Variants in KLHL8 observed in about 807,000 individuals in gnomAD.
The protein encoded by KLHL8 is kelch like family member 8.
Under a neutral mutation model 63.5 loss-of-function variants are expected in KLHL8, and 38 were observed. The ratio of observed to expected loss-of-function variants is 0.60; its 90% confidence interval spans 0.46 to 0.78. The LOEUF (loss-of-function observed/expected upper bound fraction) is 0.78. Ranked by LOEUF, KLHL8 falls within the 30% of genes least tolerant of loss-of-function variation. The probability of loss-of-function intolerance (pLI) is 0.00; values close to 1 mark genes in which losing one functional copy is unlikely to be tolerated. For synonymous variants in KLHL8, 224 were observed against 254.3 expected (o/e 0.88, Z 1.13); for missense variants, 566 against 752.4 (o/e 0.75, Z 2.90).
chr4:87,170,018 C>A, intron 8 of KLHL8, 61 bp downstream of exon 8: 2 of 1,308,256 alleles, frequency 1.5e-6, no homozygotes, highest in South Asian at 1.4e-5. Flanking sequence ...TTTTGTTACT[C>A]TGTTATATGA....
At chr4:87,203,944 C>T (rs147032745) in intron 1 of KLHL8, among the ~76,000 whole-genome samples, 195 of 152,106 alleles carry the variant, frequency 1.3e-3, no homozygotes, top group African/African-American at 4.4e-3. Flanking sequence ...TCAAACTTAA[C>T]GAAAAACAAC....
chr4:87,177,931 AG>A (rs1404796494), intron 5 of KLHL8, among the ~76,000 whole-genome samples: 1 of 152,186 alleles, frequency 6.6e-6, no homozygotes, highest in Non-Finnish European at 1.5e-5. Flanking sequence ...AGAGAAAGAT[AG>A]GCAAGATTGT....
chr4:87,207,524 T>G, intron 1 of KLHL8: 1 of 894,694 alleles, frequency 1.1e-6, no homozygotes, highest in Non-Finnish European at 1.9e-6. Context: ...CTCAAGATCA[T>G]CAGCAATGCC....
chr4:87,233,888 A>G (rs1336983842), intron 1 of KLHL8, among the ~76,000 whole-genome samples: 1 of 152,048 alleles, frequency 6.6e-6, no homozygotes, highest in Non-Finnish European at 1.5e-5. Context: ...TACTAATTTC[A>G]GGCTAAATGT....
intron 1 of KLHL8, among the ~76,000 whole-genome samples, chr4:87,226,266 T>C (rs1732972429): frequency 6.6e-6 from 1 of 152,046 alleles, no homozygotes; most frequent in East Asian, 1.9e-4. Flanking sequence ...TTCATTAAGA[T>C]ATAGCTCTAT....
At chr4:87,221,212 T>A (rs1732831011), upstream of KLHL8, 1 of 151,844 alleles carries the variant, frequency 6.6e-6, no homozygotes, top group African/African-American at 2.4e-5. Context: ...CTGGCCAACA[T>A]GGTGAAACTC....
At chr4:87,205,215 T>C (rs1275407958) in intron 1 of KLHL8, among the ~76,000 whole-genome samples, 2 of 152,182 alleles carry the variant, frequency 1.3e-5, no homozygotes, top group Non-Finnish European at 2.9e-5. Context: ...AAGACCAGCC[T>C]GGGCAACAGA....
chr4:87,199,577 G>A (rs1177955131), intron 1 of KLHL8, among the ~76,000 whole-genome samples: 8 of 148,954 alleles, frequency 5.4e-5, no homozygotes, highest in African/African-American at 1.5e-4. Flanking sequence ...CTACAGAATG[G>A]AAGAAAATAG....
intron 1 of KLHL8, among the ~76,000 whole-genome samples, chr4:87,200,893 G>A (rs910948003): frequency 2.6e-5 from 4 of 152,124 alleles, no homozygotes; most frequent in Non-Finnish European, 5.9e-5. Context: ...CAGCCTAAAT[G>A]TACATCATCA....
chr4:87,181,153 C>T (rs530740864), intron 4 of KLHL8, among the ~76,000 whole-genome samples: 4 of 151,544 alleles, frequency 2.6e-5, no homozygotes, highest in East Asian at 3.9e-4. Flanking sequence ...CTGGGCTGGG[C>T]GCAGTGGCTC....
In KLHL8 at chr4:87,195,458, T is replaced by TTTCGCC. The variant is rs776507597; in HGVS notation, c.81_82insGGCGAA (p.Ile27_Lys28insGlyGlu). On this transcript the variant is annotated inframe_insertion, in exon 2 of 10. Coordinates refer to ENST00000273963, the MANE Select transcript of KLHL8 (RefSeq NM_020803.5). ...CCATCACTAATTGAGGATCTGTTCTTTATTTGCTGGTGCTGTTGTTGCCTT... is the reference window on the plus strand; with the variant it reads ...CCATCACTAATTGAGGATCTGTTCTTTTCGCCTATTTGCTGGTGCTGTTGTTGCCTT... 1.4e-5 allele frequency: 23 copies of TTTCGCC among 1,613,870 alleles called. No homozygotes were observed. The highest frequency in any genetic ancestry group is 1.7e-5 in the Non-Finnish European group (20 of 1,179,936).
chr4:87,184,382 A>G (rs771348308), intron 3 of KLHL8, among the ~76,000 whole-genome samples: 1 of 152,190 alleles, frequency 6.6e-6, no homozygotes, highest in East Asian at 1.9e-4. Context: ...AAATGAGAAC[A>G]CTGGTAATTA....
At chr4:87,236,717 T>C (rs559966998) in intron 1 of KLHL8, among the ~76,000 whole-genome samples, 5 of 140,974 alleles carry the variant, frequency 3.5e-5, no homozygotes, top group Non-Finnish European at 7.5e-5. Flanking sequence ...CAGGCTGGAG[T>C]GCAGTGACAC....
chr4:87,208,113 A>G, intron 1 of KLHL8: 1 of 488,292 alleles, frequency 2.0e-6, no homozygotes, highest in East Asian at 4.9e-5. Flanking sequence ...CACCAGCCCC[A>G]GAGAGAGCAT....
chr4:87,218,497 G>T (rs991843538), intron 1 of KLHL8, among the ~76,000 whole-genome samples: 16 of 152,128 alleles, frequency 1.1e-4, no homozygotes, highest in Non-Finnish European at 1.9e-4. Context: ...GATTACAGGC[G>T]TGAGCCACCG....
upstream of KLHL8, chr4:87,220,746 G>C (rs564310072): frequency 1.3e-5 from 2 of 152,412 alleles, no homozygotes; most frequent in Admixed American, 1.3e-4. Context: ...GGGTCTCAGG[G>C]ACTGGGCAGT....
chr4:87,182,399 C>A (rs1311820033), intron 4 of KLHL8, among the ~76,000 whole-genome samples: 1 of 151,886 alleles, frequency 6.6e-6, no homozygotes, highest in Non-Finnish European at 1.5e-5. Flanking sequence ...TACTCATAAT[C>A]AGGTATTGCC....
At position 87,170,558 on chromosome 4, in the gene KLHL8, A is replaced by G; in HGVS notation, c.1266T>C (p.Asp422=). 1 of 1,614,076 alleles carries G rather than the reference A, an allele frequency of 6.2e-7. No individual in the cohort carries two copies. Among genetic ancestry groups the G allele is most frequent in the Non-Finnish European group, 8.5e-7 (1 of 1,179,966 alleles). The change falls in exon 7 of 10, where the codon GAT becomes GAC. Residue 422 remains aspartate (D), a synonymous_variant. Transcript: ENST00000273963. The part of the protein sequence containing the change: ...GGPIYAIGGL[D]DNTCFNDVER... ...CCACATCATTGAAGCAAGTATTGTC[A>G]TCTAACCCTCCAATTGCATAAATTG...
upstream of KLHL8, among the ~76,000 whole-genome samples, chr4:87,225,372 A>C (rs1396341460): frequency 1.3e-5 from 2 of 152,184 alleles, no homozygotes; most frequent in Admixed American, 6.6e-5. Flanking sequence ...CCTTAAATAG[A>C]AAATAACAGC....
Sources: allele counts gnomAD v4.1 joint callset (sites outside exome capture counted in the v4.1 genomes callset), GRCh38; gene constraint gnomAD v4.1.1; transcripts MANE v1.5; gene names NCBI Gene and HGNC (gene_info 2026-07-23, HGNC 2026-07-21).